The following PLCH1 variants were observed in gnomAD, a reference collection of about 807,000 sequenced individuals.
PLCH1 encodes phospholipase C eta 1, also known as 1-phosphatidylinositol 4,5-bisphosphate phosphodiesterase eta-1.
Under a neutral mutation model 126.7 loss-of-function variants are expected in PLCH1, and 60 were observed. That is an observed-to-expected ratio of 0.47 (90% confidence interval 0.38 to 0.59). The LOEUF (loss-of-function observed/expected upper bound fraction) is 0.59, where lower values mean the gene tolerates loss of function less well. Ranked by LOEUF, PLCH1 falls within the 20% of genes least tolerant of loss-of-function variation. PLCH1 has a pLI of 0.00. For missense variants in PLCH1, 1,723 were observed against 2,040.0 expected, an observed-to-expected ratio of 0.84 and a Z score of 2.99; for synonymous variants, 719 against 734.9, an observed-to-expected ratio of 0.98 and a Z score of 0.35.
intron 2 of PLCH1, among the ~76,000 whole-genome samples, chr3:155,603,147 A>G (rs1350186020): frequency 8.4e-6 from 1 of 119,514 alleles, no homozygotes; most frequent in East Asian, 2.1e-4. Flanking sequence ...AAAAACAACA[A>G]CAACAAAAAA....
Position 155,741,993 on chromosome 3 carries a change from A to T in PLCH1, c.-41+2847T>A, listed in dbSNP as rs1749679465. 2.6e-5 allele frequency: 4 copies of T among 152,184 alleles called. No individual in the cohort carries two copies. In the South Asian group the frequency reaches 8.3e-4, roughly 32 times the overall value. The allele number at this position is 152,184 out of a possible 1,614,324, so 9.4% of individuals were successfully genotyped here. A position where few individuals can be genotyped will look rare whatever the true frequency, so the allele number is the denominator to read the frequency against. On this transcript the variant is annotated intron_variant, in intron 1 of 22. Coordinates refer to ENST00000460012, the MANE Select transcript of PLCH1 (RefSeq NM_014996.4). The stretch of plus-strand genomic sequence containing the variant: ...ATCCTAGATGTACAGCCTTATCTAA[A>T]TTACTCAGTTTCAGCATTTGTTTCT...
chr3:155,480,329 A>G lies in PLCH1; in HGVS notation c.*639T>C, dbSNP rs776588136. 6.5e-6 allele frequency: 1 copy of G among 152,790 alleles called. No individual in the cohort carries two copies. The highest frequency in any genetic ancestry group is 1.5e-5 in the Non-Finnish European group (1 of 68,034). The allele number at this position is 152,790 out of a possible 1,614,324, so 9.5% of individuals were successfully genotyped here. A position where few individuals can be genotyped will look rare whatever the true frequency, so the allele number is the denominator to read the frequency against. On this transcript the variant is annotated 3_prime_UTR_variant, in exon 23 of 23. Coordinates refer to ENST00000460012, the MANE Select transcript of PLCH1 (RefSeq NM_014996.4). ...AAAACAAACAATTTTGTCCTTATGT[A>G]CAAAAGACAGCCTTCTTCCTCACAC...
chr3:155,734,370 G>A (rs1749000143), intron 1 of PLCH1, among the ~76,000 whole-genome samples: 1 of 152,128 alleles, frequency 6.6e-6, no homozygotes, highest in African/African-American at 2.4e-5. Context: ...TGAGGTGGGA[G>A]GATTGCTTGA....
chr3:155,716,300 G>C (rs1747499909), intron 1 of PLCH1, among the ~76,000 whole-genome samples: 1 of 152,164 alleles, frequency 6.6e-6, no homozygotes, highest in African/African-American at 2.4e-5. Context: ...TGTTTGAAAA[G>C]AATGTGTATT....
chr3:155,491,624 C>T (rs62279664), intron 18 of PLCH1, among the ~76,000 whole-genome samples: 1 of 152,154 alleles, frequency 6.6e-6, no homozygotes, highest in African/African-American at 2.4e-5. Flanking sequence ...TCCTATATAA[C>T]ATAACGTTGA....
chr3:155,672,428 T>C (rs1360620610), intron 2 of PLCH1, among the ~76,000 whole-genome samples: 3 of 152,088 alleles, frequency 2.0e-5, no homozygotes, highest in Non-Finnish European at 2.9e-5. Flanking sequence ...CTTCATTAAA[T>C]AGGGAAACAG....
chr3:155,723,685 G>A (rs1748114562), intron 1 of PLCH1, among the ~76,000 whole-genome samples: 1 of 152,084 alleles, frequency 6.6e-6, no homozygotes, highest in Non-Finnish European at 1.5e-5. Context: ...ACCAAGCATG[G>A]TGGCTCATGC....
Position 155,500,694 on chromosome 3 carries a change from C to T in PLCH1, c.1796+9G>A. 1 of 1,569,868 alleles carries T rather than the reference C, an allele frequency of 6.4e-7. No homozygotes were observed. The highest frequency in any genetic ancestry group is 8.8e-7 in the Non-Finnish European group (1 of 1,140,100). ...AGTGTGAGTAGGAAACATGGAGATG[C>T]TTTCTTACCTGTACAGCTGGCCACC... On this transcript the variant is annotated intron_variant, in intron 14 of 22. Coordinates refer to ENST00000460012, the MANE Select transcript of PLCH1 (RefSeq NM_014996.4).
intron 2 of PLCH1, among the ~76,000 whole-genome samples, chr3:155,610,468 C>T (rs542261901): frequency 9.3e-5 from 14 of 150,128 alleles, no homozygotes; most frequent in African/African-American, 3.0e-4. Flanking sequence ...GAGGAAAAAC[C>T]GTCAGGTAAC....
intron 2 of PLCH1, among the ~76,000 whole-genome samples, chr3:155,661,422 T>C (rs993917614): frequency 3.9e-5 from 6 of 152,198 alleles, no homozygotes; most frequent in Non-Finnish European, 8.8e-5. Flanking sequence ...CTACTGGCTC[T>C]TTATCAAAGC....
intron 1 of PLCH1, among the ~76,000 whole-genome samples, chr3:155,710,689 C>T (rs1000426512): frequency 2.6e-5 from 4 of 152,010 alleles, no homozygotes; most frequent in Middle Eastern, 3.4e-3. Flanking sequence ...AAAAATTAGC[C>T]AGTCGTGTTA....
chr3:155,738,647 C>A (rs1749386303), intron 1 of PLCH1, among the ~76,000 whole-genome samples: 1 of 151,840 alleles, frequency 6.6e-6, no homozygotes, highest in African/African-American at 2.4e-5. Context: ...ATTAGTTGGG[C>A]GTGCTGGCGG....
rs368785541 is a variant in PLCH1, at chr3:155,709,622, A to G, written c.-40-5358T>C. 3.9e-5 allele frequency among the ~76,000 whole-genome samples: 6 copies of G among 151,972 alleles called. No homozygotes were observed. The East Asian group carries it at 9.7e-4, about 24-fold the overall frequency. On this transcript the variant is annotated intron_variant, in intron 1 of 22. Coordinates refer to ENST00000460012, the MANE Select transcript of PLCH1 (RefSeq NM_014996.4). ...CATTCATTCATCCATTCATTCATTC[A>G]TTTATTTATTTTGAGACAGGGTCTC... is the stretch of plus-strand genomic sequence containing the variant.
intron 21 of PLCH1, among the ~76,000 whole-genome samples, chr3:155,471,603 C>T (rs1713252070): frequency 6.8e-6 from 1 of 147,150 alleles, no homozygotes; most frequent in Admixed American, 6.9e-5. Flanking sequence ...GAACTCTCCA[C>T]CCCAAATCAA....
chr3:155,727,774 T>C (rs1156992603), intron 1 of PLCH1, among the ~76,000 whole-genome samples: 1 of 152,176 alleles, frequency 6.6e-6, no homozygotes, highest in African/African-American at 2.4e-5. Flanking sequence ...ATACCTGTAT[T>C]AGAGCTGGTT....
intron 21 of PLCH1, among the ~76,000 whole-genome samples, chr3:155,455,661 G>T (rs1712419628): frequency 6.6e-6 from 1 of 152,180 alleles, no homozygotes; most frequent in African/African-American, 2.4e-5. Flanking sequence ...CAGAAGCCAG[G>T]GAGGTAATGG....
At chr3:155,666,294 T>C (rs542535318) in intron 2 of PLCH1, among the ~76,000 whole-genome samples, 22 of 152,332 alleles carry the variant, frequency 1.4e-4, no homozygotes, top group African/African-American at 5.3e-4. Flanking sequence ...ACATTGAATG[T>C]CATCTTTTTT....
chr3:155,458,438 G>A (rs1348951801), intron 21 of PLCH1, among the ~76,000 whole-genome samples: 2 of 83,592 alleles, frequency 2.4e-5, no homozygotes, highest in African/African-American at 1.6e-4. Flanking sequence ...AGGAAGGAAG[G>A]AAGGAAGGAA....
chr3:155,596,437 C>G, intron 2 of PLCH1, 59 bp from the exon 3 acceptor site: 1 of 1,447,244 alleles, frequency 6.9e-7, no homozygotes, highest in Non-Finnish European at 9.5e-7. Context: ...TACTGGTGTC[C>G]AGGTTTTAGA....
Sources: gnomAD v4.1 joint callset for allele counts (sites outside exome capture counted in the v4.1 genomes callset) on GRCh38, gnomAD v4.1.1 for gene constraint, MANE v1.5 for transcripts, NCBI Gene and HGNC (gene_info 2026-07-23, HGNC 2026-07-21) for gene names.